The following PLAGL1 variants were observed in gnomAD, a reference collection of about 807,000 sequenced individuals.
PLAGL1 encodes zinc finger protein PLAGL1.
PLAGL1 carries 1 observed loss-of-function variant against 4.6 expected under a neutral mutation model. The ratio of observed to expected loss-of-function variants is 0.22; its 90% CI spans 0.08 to 1.03. The LOEUF (loss-of-function observed/expected upper bound fraction) is 1.03. PLAGL1 is among the 50% of genes least tolerant of loss of function. PLAGL1 has a pLI of 0.58. For missense variants in PLAGL1, 464 were observed against 570.4 expected (o/e 0.81, Z 1.90); for synonymous variants, 240 against 237.8 (o/e 1.01, Z -0.08).
In PLAGL1 at chr6:143,949,818, T is replaced by C. The variant is rs146118644; in HGVS notation, c.-324-1358A>G. Among the ~76,000 whole-genome samples, 53 of 152,372 alleles carry C rather than the reference T, an allele frequency of 3.5e-4. No individual in the cohort carries two copies. Among genetic ancestry groups the C allele is most frequent in the Non-Finnish European group, 6.8e-4 (46 of 68,042 alleles). Reference sequence around the variant, plus strand: ...TGCTCCTTGCAGTCATTTATTGCCATGTCTCTAGAGTTGCTCTTTATTGTT... The same window carrying C: ...TGCTCCTTGCAGTCATTTATTGCCACGTCTCTAGAGTTGCTCTTTATTGTT... On this transcript the variant is annotated intron_variant, in intron 6 of 7. Transcript: ENST00000674357. This position sits in a 1 kb window ranked among gnomAD's most constrained non-coding sequence, Gnocchi z 5.3.
rs902216383 is a variant in PLAGL1, at chr6:143,955,955, A to G, written c.-325+4514T>C. On this transcript the variant is annotated intron_variant, in intron 6 of 7. Transcript: ENST00000674357. The surrounding 1 kb of genome is among the most constrained non-coding windows in gnomAD (Gnocchi z 4.9). Reference sequence around the variant, plus strand: ...TTTTCTTCTGCATCCCAGAAGAAAAACTCAGCAAAAAATAAGCGTTAGGAG... The same window carrying G: ...TTTTCTTCTGCATCCCAGAAGAAAAGCTCAGCAAAAAATAAGCGTTAGGAG... Among the ~76,000 whole-genome samples, 1 of 152,150 alleles carries G rather than the reference A, an allele frequency of 6.6e-6. No homozygotes were observed. The highest frequency in any genetic ancestry group is 2.4e-5 in the African/African-American group (1 of 41,412).
Position 144,027,538 on chromosome 6 carries a change from A to G in PLAGL1, c.-151+36930T>C, listed in dbSNP as rs575472648. On this transcript the variant is annotated intron_variant, in intron 1 of 3. Coordinates refer to the PLAGL1 transcript ENST00000437412. The surrounding 1 kb of genome is among the most constrained non-coding windows in gnomAD (Gnocchi z 5.8). ...GAACAAAAACAGCCAATATAACAACACTAACCTCCACCTCCCACCATCCTC... is the reference window on the plus strand; with the variant it reads ...GAACAAAAACAGCCAATATAACAACGCTAACCTCCACCTCCCACCATCCTC... Among the ~76,000 whole-genome samples the G allele has an allele frequency of 6.6e-6, 1 of 152,222 alleles. No homozygotes were observed. Among genetic ancestry groups the G allele is most frequent in the South Asian group, 2.1e-4 (1 of 4,828 alleles).
chr6:144,063,845 A>T lies in PLAGL1; in HGVS notation c.-151+623T>A, dbSNP rs1799622980. Among the ~76,000 whole-genome samples the T allele has an allele frequency of 6.6e-6, 1 of 152,064 alleles. No homozygotes were observed. Among genetic ancestry groups the T allele is most frequent in the Admixed American group, 6.5e-5 (1 of 15,282 alleles). On this transcript the variant is annotated intron_variant, in intron 1 of 3. Coordinates refer to the PLAGL1 transcript ENST00000437412. This position sits in a 1 kb window ranked among gnomAD's most constrained non-coding sequence, Gnocchi z 5.7. ...TCAGGGGAGTCCTGCTCTCGAAATT[A>T]TCCCGCGCGCCGCCGGTAATCCGGG...
chr6:144,014,459 G>C (rs1000935883), intron 1 of PLAGL1, among the ~76,000 whole-genome samples: 2 of 152,054 alleles, frequency 1.3e-5, no homozygotes, highest in African/African-American at 4.8e-5. Context: ...AAGACAGTCG[G>C]GTACTGACAT....
In PLAGL1 at chr6:143,973,451, T is replaced by A. The variant is rs1785801390; in HGVS notation, c.-543-4473A>T. ...GCATAATATACTGCTCGCTAGTTCA[T>A]CCAAGGTCAGAGGGAGAAAACAAGC... On this transcript the variant is annotated intron_variant, in intron 2 of 7. Transcript: ENST00000674357. The surrounding 1 kb of genome is among the most constrained non-coding windows in gnomAD (Gnocchi z 6.2). Among the ~76,000 whole-genome samples the A allele has an allele frequency of 6.6e-6, 1 of 152,166 alleles. No individual in the cohort carries two copies. Among genetic ancestry groups the A allele is most frequent in the Non-Finnish European group, 1.5e-5 (1 of 68,036 alleles).
rs542011286 is a variant in PLAGL1, at chr6:143,985,353, A to T, written c.-583-179T>A. Among the ~76,000 whole-genome samples, 45 of 152,308 alleles carry T rather than the reference A, an allele frequency of 3.0e-4. No individual in the cohort carries two copies. The South Asian group carries it at 9.3e-3, about 32-fold the overall frequency. On this transcript the variant is annotated intron_variant, in intron 1 of 7. Coordinates refer to ENST00000674357, the MANE Select transcript of PLAGL1 (RefSeq NM_001317162.2). The surrounding 1 kb of genome is among the most constrained non-coding windows in gnomAD (Gnocchi z 4.4). ...ATATCACAACCGATATGTTTATATT[A>T]ATACCATCTACTAGTCTATCGCGAT... is the stretch of plus-strand genomic sequence containing the variant.
intron 6 of PLAGL1, among the ~76,000 whole-genome samples, chr6:143,956,026 G>A (rs1182035262): frequency 1.3e-5 from 2 of 152,186 alleles, no homozygotes; most frequent in East Asian, 1.9e-4. Context: ...ATGGGCATTC[G>A]GGCCAGCAAG....
At chr6:144,021,172 G>T (rs1795952347) in intron 1 of PLAGL1, among the ~76,000 whole-genome samples, 1 of 151,974 alleles carries the variant, frequency 6.6e-6, no homozygotes, top group Non-Finnish European at 1.5e-5. Flanking sequence ...CGGGTAAGAG[G>T]TCAAACCTAT....
rs751695302 is a variant in PLAGL1, at chr6:144,034,284, C to T, written c.-151+30184G>A. 3.3e-5 allele frequency among the ~76,000 whole-genome samples: 5 copies of T among 152,130 alleles called. No individual in the cohort carries two copies. Among genetic ancestry groups the T allele is most frequent in the Non-Finnish European group, 5.9e-5 (4 of 68,016 alleles). On this transcript the variant is annotated intron_variant, in intron 1 of 3. Transcript: ENST00000437412. This position sits in a 1 kb window ranked among gnomAD's most constrained non-coding sequence, Gnocchi z 4.7. The stretch of plus-strand genomic sequence containing the variant: ...AAGGCCCAGGCTGACAACCCCCCAA[C>T]CACACCACACCCTCTGGACTGAAGC...
chr6:144,047,135 C>T (rs1228197395), intron 1 of PLAGL1, among the ~76,000 whole-genome samples: 1 of 152,192 alleles, frequency 6.6e-6, no homozygotes, highest in Non-Finnish European at 1.5e-5. Context: ...GGCAAATCCC[C>T]CAACCCCTTG....
At position 143,940,732 on chromosome 6, in the gene PLAGL1, T is replaced by TC. The variant is rs1768220412; in HGVS notation, c.*691_*692insG. ...CACTTAACCTGGTTACACAGTGATT[T>TC]TTTTTTTTTTTCTGTCAGATGTAAC... On this transcript the variant is annotated 3_prime_UTR_variant, in exon 8 of 8. Transcript: ENST00000674357. 1 of 152,282 alleles carries TC rather than the reference T, an allele frequency of 6.6e-6. No individual in the cohort carries two copies. Among genetic ancestry groups the TC allele is most frequent in the South Asian group, 2.1e-4 (1 of 4,824 alleles). 9.4% of individuals were successfully genotyped at this position (152,282 alleles called of 1,614,324 possible).
intron 1 of PLAGL1, among the ~76,000 whole-genome samples, chr6:144,051,036 G>A (rs112786854): frequency 9.0e-4 from 137 of 152,258 alleles, no homozygotes; most frequent in African/African-American, 2.9e-3. Flanking sequence ...TTTAAAATAA[G>A]TCAGTACATG....
At chr6:144,014,792 C>T (rs1298653804) in intron 1 of PLAGL1, among the ~76,000 whole-genome samples, 3 of 152,054 alleles carry the variant, frequency 2.0e-5, no homozygotes, top group African/African-American at 7.2e-5. Flanking sequence ...GTTGCCCAGG[C>T]TGGTCTCAAA....
rs984653348 is a variant in PLAGL1, at chr6:143,965,598, T to G, written c.-431+560A>C. On this transcript the variant is annotated intron_variant, in intron 4 of 7. Transcript: ENST00000674357. This position sits in a 1 kb window ranked among gnomAD's most constrained non-coding sequence, Gnocchi z 7.5. ...GAGGCACAAAGCCCCCTCTAGCTATTTTAGTTATAAGGAGGTGGGAACGCT... is the reference window on the plus strand; with the variant it reads ...GAGGCACAAAGCCCCCTCTAGCTATGTTAGTTATAAGGAGGTGGGAACGCT... 1.3e-5 allele frequency: 2 copies of G among 152,208 alleles called. No homozygotes were observed. The highest frequency in any genetic ancestry group is 4.8e-5 in the African/African-American group (2 of 41,448). The allele number at this position is 152,208 out of a possible 1,614,324, so 9.4% of individuals were successfully genotyped here.
chr6:144,032,941 G>A (rs531202769), intron 1 of PLAGL1, among the ~76,000 whole-genome samples: 10 of 152,242 alleles, frequency 6.6e-5, no homozygotes, highest in African/African-American at 9.6e-5. Context: ...ACACTATATC[G>A]GGGCAATAGA....
chr6:144,042,065 C>G (rs1028474082), intron 1 of PLAGL1, among the ~76,000 whole-genome samples: 3 of 152,116 alleles, frequency 2.0e-5, no homozygotes, highest in Admixed American at 6.6e-5. Flanking sequence ...TTTGTAGATT[C>G]TGGATGTTAG....
At chr6:143,987,989 A>G (rs1789588590) in intron 1 of PLAGL1, among the ~76,000 whole-genome samples, 2 of 152,228 alleles carry the variant, frequency 1.3e-5, no homozygotes, top group Non-Finnish European at 2.9e-5. Flanking sequence ...CTAAAAGCAT[A>G]TTGTTTATTT....
rs1781725689 is a variant in PLAGL1 at position 143,954,531 on chromosome 6, A to G, written c.-325+5938T>C. Among the ~76,000 whole-genome samples the G allele has an allele frequency of 1.3e-5, 2 of 152,228 alleles. No individual in the cohort carries two copies. The highest frequency in any genetic ancestry group is 4.8e-5 in the African/African-American group (2 of 41,466). ...AGTCAACACCATGAGGCAGCCTCTT[A>G]TAACTCAGCTAATATAATCCAGAGA... is the stretch of plus-strand genomic sequence containing the variant. On this transcript the variant is annotated intron_variant, in intron 6 of 7. Coordinates refer to ENST00000674357, the MANE Select transcript of PLAGL1 (RefSeq NM_001317162.2). The surrounding 1 kb of genome is among the most constrained non-coding windows in gnomAD (Gnocchi z 5.1).
Position 143,940,328 on chromosome 6 carries a change from T to TAAGA in PLAGL1, c.*1092_*1095dup, listed in dbSNP as rs926855653. The TAAGA allele has an allele frequency of 6.6e-6, 1 of 152,194 alleles. No homozygotes were observed. Among genetic ancestry groups the TAAGA allele is most frequent in the African/African-American group, 2.4e-5 (1 of 41,442 alleles). The allele number at this position is 152,194 out of a possible 1,614,324, so 9.4% of individuals were successfully genotyped here. On this transcript the variant is annotated 3_prime_UTR_variant, in exon 8 of 8. Coordinates refer to ENST00000674357, the MANE Select transcript of PLAGL1 (RefSeq NM_001317162.2). The stretch of plus-strand genomic sequence containing the variant: ...CAAGATTTGAAAAGTTTATTATATG[T>TAAGA]AAGATATATGTTTACGGAAAAGCCT...
Sources: gnomAD v4.1 joint callset for allele counts (sites outside exome capture counted in the v4.1 genomes callset) on GRCh38, gnomAD v4.1.1 for gene constraint, Gnocchi (gnomAD v3.1) non-coding constraint, MANE v1.5 for transcripts, NCBI Gene and HGNC (gene_info 2026-07-23, HGNC 2026-07-21) for gene names.